The following ZNF254 variants were observed in gnomAD, a reference collection of about 807,000 sequenced individuals.
ZNF254 encodes zinc finger protein 254, also known as CTD-2017D11.1.
Under a neutral mutation model 12.4 loss-of-function variants are expected in ZNF254, and 10 were observed. The ratio of observed to expected loss-of-function variants is 0.80; its 90% confidence interval spans 0.50 to 1.36. The LOEUF is 1.36. ZNF254 is among the 40% of genes most tolerant of loss of function. ZNF254 has a pLI of 0.00. For missense variants in ZNF254, 996 were observed against 763.9 expected, an observed-to-expected ratio of 1.30 and a Z score of -3.58; for synonymous variants, 305 against 253.4, an observed-to-expected ratio of 1.20 and a Z score of -1.93.
At chr19:24,069,915 A>G (rs1971421505) in intron 2 of ZNF254, among the ~76,000 whole-genome samples, 1 of 152,218 alleles carries the variant, frequency 6.6e-6, no homozygotes, top group African/African-American at 2.4e-5. Context: ...GCAGAGTGAG[A>G]CTTTGTCTCA....
At chr19:24,109,404 T>C (rs1973529355) in intron 3 of ZNF254, among the ~76,000 whole-genome samples, 2 of 152,208 alleles carry the variant, frequency 1.3e-5, no homozygotes, top group Middle Eastern at 3.2e-3. Flanking sequence ...CTAGATTTTA[T>C]GAGTAAACAT....
intron 3 of ZNF254, chr19:24,107,263 G>T: frequency 1.6e-6 from 1 of 641,184 alleles, no homozygotes; most frequent in Non-Finnish European, 2.8e-6. Context: ...ATTTTGATAA[G>T]GAGTTCTTTA....
upstream of ZNF254, among the ~76,000 whole-genome samples, chr19:24,083,945 A>G (rs1283981318): frequency 6.6e-6 from 1 of 152,076 alleles, no homozygotes; most frequent in Non-Finnish European, 1.5e-5. Context: ...TAAAAAATTA[A>G]AAGTAGAACT....
At chr19:24,091,858 C>T (rs1162690942) in intron 1 of ZNF254, 1 of 980,762 alleles carries the variant, frequency 1.0e-6, no homozygotes, top group Non-Finnish European at 1.2e-6. Context: ...TTGGTACCTC[C>T]TAGAAGTGTT....
At chr19:24,109,720 CTTT>C (rs59907004) in intron 3 of ZNF254, among the ~76,000 whole-genome samples, 3 of 132,328 alleles carry the variant, frequency 2.3e-5, no homozygotes, top group Non-Finnish European at 4.8e-5. Context: ...CTTTTCTTTT[CTTT>C]TTTTTTTTTT....
At chr19:24,090,520 T>G (rs574124279) in intron 1 of ZNF254, among the ~76,000 whole-genome samples, 28 of 152,284 alleles carry the variant, frequency 1.8e-4, no homozygotes, top group Admixed American at 1.7e-3. Flanking sequence ...CACTGCAACC[T>G]CCAGATCTTG....
chr19:24,124,534 T>G (rs1200178664), intron 3 of ZNF254, among the ~76,000 whole-genome samples: 5 of 152,178 alleles, frequency 3.3e-5, no homozygotes, highest in Non-Finnish European at 5.9e-5. Context: ...GTAGGGCATA[T>G]GCATTTCCAA....
chr19:24,126,417 T>A lies in ZNF254; in HGVS notation c.417T>A (p.Tyr139Ter). ...VDEYKVNKEG[Y>*]NGLNQCFTTA... The stretch of plus-strand genomic sequence containing the variant: ...AGTATAAGGTGAACAAAGAAGGTTA[T>A]AATGGACTTAACCAGTGTTTCACAA... Residue 139 changes from tyrosine to a stop codon, truncating the protein, a stop_gained, in exon 4 of 4, where the codon TAT becomes TAA. Transcript: ENST00000357002. LOFTEE classifies it low-confidence loss of function (END_TRUNC). 1.2e-6 allele frequency: 2 copies of A among 1,603,680 alleles called. No homozygotes were observed. Among genetic ancestry groups the A allele is most frequent in the Non-Finnish European group, 1.7e-6 (2 of 1,177,108 alleles).
intron 1 of ZNF254, among the ~76,000 whole-genome samples, chr19:24,034,657 A>G (rs983589109): frequency 3.3e-5 from 5 of 151,688 alleles, no homozygotes; most frequent in African/African-American, 1.2e-4. Flanking sequence ...ACGCCCAGCT[A>G]ATTTTTGCGG....
chr19:24,046,512 T>C (rs1174629616), intron 2 of ZNF254, among the ~76,000 whole-genome samples: 1 of 151,652 alleles, frequency 6.6e-6, no homozygotes, highest in Non-Finnish European at 1.5e-5. Flanking sequence ...ATTTATGTAC[T>C]TCCTGGGCTA....
chr19:24,110,612 C>A (rs980729499), intron 3 of ZNF254, among the ~76,000 whole-genome samples: 2 of 151,960 alleles, frequency 1.3e-5, no homozygotes, highest in Non-Finnish European at 2.9e-5. Context: ...ATATTCACAT[C>A]GTTATGCAAA....
At chr19:24,111,221 C>T (rs1347084011) in intron 3 of ZNF254, among the ~76,000 whole-genome samples, 24 of 150,588 alleles carry the variant, frequency 1.6e-4, no homozygotes, top group African/African-American at 3.2e-4. Context: ...TTTGTTCTTG[C>T]GATAGTTTAC....
At chr19:24,105,503 A>T (rs1241426611) in intron 1 of ZNF254, 1 of 211,056 alleles carries the variant, frequency 4.7e-6, no homozygotes, top group East Asian at 1.6e-4. Flanking sequence ...TCCCCAAAAA[A>T]TAATCTGCAT....
At chr19:24,114,228 T>C (rs1272674063) in intron 3 of ZNF254, among the ~76,000 whole-genome samples, 2 of 152,098 alleles carry the variant, frequency 1.3e-5, no homozygotes, top group African/African-American at 4.8e-5. Context: ...AAGTCACTCC[T>C]AAGCCAAAAG....
chr19:24,044,431 G>T (rs1256942112), intron 1 of ZNF254, among the ~76,000 whole-genome samples: 1 of 151,090 alleles, frequency 6.6e-6, no homozygotes. Flanking sequence ...CCAGCTACTT[G>T]GGAGGCTGAG....
intron 1 of ZNF254, among the ~76,000 whole-genome samples, chr19:24,040,618 C>A (rs1228170968): frequency 6.6e-6 from 1 of 152,178 alleles, no homozygotes; most frequent in Non-Finnish European, 1.5e-5. Flanking sequence ...TTAGTACCCA[C>A]CTTTCAAAAT....
chr19:24,081,076 CAAAA>C (rs112442439), intron 2 of ZNF254, among the ~76,000 whole-genome samples: 1 of 123,430 alleles, frequency 8.1e-6, no homozygotes, highest in Non-Finnish European at 1.8e-5. Flanking sequence ...GACTCCTTCT[CAAAA>C]AAAAAAAAAA....
At chr19:24,059,965 T>A (rs983751397) in intron 2 of ZNF254, among the ~76,000 whole-genome samples, 1 of 152,082 alleles carries the variant, frequency 6.6e-6, no homozygotes, top group African/African-American at 2.4e-5. Context: ...GTGACTCTTC[T>A]CTTCTACCTG....
intron 3 of ZNF254, among the ~76,000 whole-genome samples, chr19:24,120,409 T>C (rs1974395124): frequency 6.6e-6 from 1 of 152,104 alleles, no homozygotes; most frequent in South Asian, 2.1e-4. Flanking sequence ...ATAAAAATTA[T>C]ACCTCTGTAT....
Sources: gnomAD v4.1 joint callset for allele counts (sites outside exome capture counted in the v4.1 genomes callset) on GRCh38, gnomAD v4.1.1 for gene constraint, MANE v1.5 for transcripts, NCBI Gene and HGNC (gene_info 2026-07-23, HGNC 2026-07-21) for gene names.